Variants in PDCD1 observed in about 807,000 individuals in gnomAD.
The protein encoded by PDCD1 is programmed cell death protein 1.
Under a neutral mutation model 23.6 loss-of-function variants are expected in PDCD1, and 10 were observed. The ratio of observed to expected loss-of-function variants is 0.42; its 90% CI spans 0.26 to 0.72. PDCD1 has a LOEUF of 0.72. Ranked by LOEUF, PDCD1 falls within the 30% of genes least tolerant of loss-of-function variation. PDCD1 has a pLI of 0.24. For synonymous variants in PDCD1, 168 were observed against 169.3 expected (o/e 0.99, Z 0.06); for missense variants, 313 against 397.8 (o/e 0.79, Z 1.81).
chr2:241,852,021 T>A lies in PDCD1; in HGVS notation c.593-38A>T, dbSNP rs200503322. ...ACACTTGGGGTCACCAGGCCGACCCTGAGCCGTGCTCCTAGGTGGGGGGTC... is the reference window on the plus strand; with the variant it reads ...ACACTTGGGGTCACCAGGCCGACCCAGAGCCGTGCTCCTAGGTGGGGGGTC... On this transcript the variant is annotated intron_variant, in intron 3 of 4. Transcript: ENST00000334409. 201 of 1,593,830 alleles carry A rather than the reference T, an allele frequency of 1.3e-4. 1 individual carries two copies. The East Asian group carries it at 4.3e-3, about 34-fold the overall frequency.
At chr2:241,858,714 T>G (rs1048863105) in intron 1 of PDCD1, 49 bp downstream of exon 1, 1 of 1,473,312 alleles carries the variant, frequency 6.8e-7, no homozygotes, top group Non-Finnish European at 9.3e-7. Context: ...GGGTGGAAGG[T>G]CCCTCCAGAC....
chr2:241,858,021 C>A (rs1032716492), intron 1 of PDCD1, among the ~76,000 whole-genome samples: 2 of 152,180 alleles, frequency 1.3e-5, no homozygotes, highest in Non-Finnish European at 2.9e-5. Context: ...GGGTCACGGG[C>A]AGCCCAGGAA....
Position 241,850,938 on chromosome 2 carries a change from G to C in PDCD1, c.*120C>G. ...CAGGCTGGAGCCCCGGTCGCCCCCAGGCAGCTCAGCCCCTGGACGGCCTGC... is the reference window on the plus strand; with the variant it reads ...CAGGCTGGAGCCCCGGTCGCCCCCACGCAGCTCAGCCCCTGGACGGCCTGC... On this transcript the variant is annotated 3_prime_UTR_variant, in exon 5 of 5. Coordinates refer to ENST00000334409, the MANE Select transcript of PDCD1 (RefSeq NM_005018.3). 1 of 1,343,124 alleles carries C rather than the reference G, an allele frequency of 7.4e-7. No homozygotes were observed. The highest frequency in any genetic ancestry group is 1.0e-6 in the Non-Finnish European group (1 of 995,762). 83.2% of individuals were successfully genotyped at this position (1,343,124 alleles called of 1,614,324 possible).
intron 1 of PDCD1, 107 bp from the exon 2 acceptor site, chr2:241,853,087 G>C: frequency 7.5e-7 from 1 of 1,324,888 alleles, no homozygotes; most frequent in Admixed American, 2.3e-5. Flanking sequence ...GGCCACCCCA[G>C]CTGGAATGTC....
chr2:241,852,490 G>A, intron 2 of PDCD1, 131 bp downstream of exon 2: 1 of 1,254,374 alleles, frequency 8.0e-7, no homozygotes, highest in Non-Finnish European at 1.1e-6. Context: ...CCCAGGTGCA[G>A]GACAGAGCCC....
intron 1 of PDCD1, among the ~76,000 whole-genome samples, chr2:241,856,707 C>T (rs1230091864): frequency 6.6e-6 from 1 of 152,032 alleles, no homozygotes; most frequent in Non-Finnish European, 1.5e-5. Flanking sequence ...GCCTATAGTC[C>T]CAGCTACTCT....
At chr2:241,855,543 T>G (rs1433030575) in intron 1 of PDCD1, among the ~76,000 whole-genome samples, 1 of 152,188 alleles carries the variant, frequency 6.6e-6, no homozygotes, top group Non-Finnish European at 1.5e-5. Flanking sequence ...GAGAGAGGGC[T>G]GTGCCCTATG....
At chr2:241,856,911 G>A (rs537052741) in intron 1 of PDCD1, among the ~76,000 whole-genome samples, 5 of 152,370 alleles carry the variant, frequency 3.3e-5, no homozygotes, top group South Asian at 2.1e-4. Context: ...GCCAGGAGGC[G>A]TCCTCACCCA....
At chr2:241,858,725 C>T (rs763326043) in intron 1 of PDCD1, 38 bp downstream of exon 1, 15 of 1,537,052 alleles carry the variant, frequency 9.8e-6, no homozygotes, top group Middle Eastern at 1.7e-4. Flanking sequence ...CCCTCCAGAC[C>T]CCTGGCTCTG....
chr2:241,854,907 G>A (rs191405063), intron 1 of PDCD1, among the ~76,000 whole-genome samples: 166 of 152,320 alleles, frequency 1.1e-3, no homozygotes, highest in Non-Finnish European at 1.9e-3. Context: ...GACAATGGCC[G>A]CTGTGTGTCC....
chr2:241,851,827 T>G, intron 4 of PDCD1, 122 bp downstream of exon 4: 1 of 1,000,724 alleles, frequency 1.0e-6, no homozygotes, highest in Non-Finnish European at 1.6e-6. Flanking sequence ...GCTGGGGAGG[T>G]GGGGTCCTGG....
rs34819629 is a variant in PDCD1, at chr2:241,852,468, C to G, written c.437-115G>C. 5.2e-6 allele frequency: 6 copies of G among 1,149,530 alleles called. No individual in the cohort carries two copies. The African/African-American group carries it at 6.2e-5, about 12-fold the overall frequency. The allele number at this position is 1,149,530 out of a possible 1,614,324, so 71.2% of individuals were successfully genotyped here. On this transcript the variant is annotated intron_variant, in intron 2 of 4. Coordinates refer to ENST00000334409, the MANE Select transcript of PDCD1 (RefSeq NM_005018.3). ...TTCCAGAGCTAGAGGACAGAGATGC[C>G]GGTCACCATTCCCCAGGTGCAGGAC... is the stretch of plus-strand genomic sequence containing the variant.
chr2:241,855,121 C>CT (rs539020375), intron 1 of PDCD1, among the ~76,000 whole-genome samples: 1 of 152,286 alleles, frequency 6.6e-6, no homozygotes, highest in East Asian at 1.9e-4. Context: ...TGTTCCGCCC[C>CT]CCCCAACCCC....
At chr2:241,855,611 G>A (rs1701005119) in intron 1 of PDCD1, among the ~76,000 whole-genome samples, 1 of 152,262 alleles carries the variant, frequency 6.6e-6, no homozygotes, top group South Asian at 2.1e-4. Flanking sequence ...CTGTGAGGTG[G>A]CGGTGGGGGT....
At position 241,850,254 on chromosome 2, in the gene PDCD1, T is replaced by C. The variant is rs1367849510; in HGVS notation, c.*804A>G. On this transcript the variant is annotated 3_prime_UTR_variant, in exon 5 of 5. Coordinates refer to ENST00000334409, the MANE Select transcript of PDCD1 (RefSeq NM_005018.3). ...GAGGGGCCTGAGTCAACCCCAGCCC[T>C]GCCCTCCTGACCTTGGGACCGTAGG... is the stretch of plus-strand genomic sequence containing the variant. 1 of 233,246 alleles carries C rather than the reference T, an allele frequency of 4.3e-6. No individual in the cohort carries two copies. The highest frequency in any genetic ancestry group is 2.2e-5 in the African/African-American group (1 of 45,324). 14.4% of individuals were successfully genotyped at this position (233,246 alleles called of 1,614,324 possible). A position where few individuals can be genotyped will look rare whatever the true frequency, so the allele number is the denominator to read the frequency against.
intron 4 of PDCD1, 83 bp downstream of exon 4, chr2:241,851,866 G>A (rs1282579384): frequency 3.9e-5 from 51 of 1,314,676 alleles, no homozygotes; most frequent in Non-Finnish European, 5.3e-5. Flanking sequence ...CCTGCAGGCC[G>A]TGTGGTCCCA....
intron 1 of PDCD1, 80 bp from the exon 2 acceptor site, chr2:241,853,060 A>G: frequency 6.8e-7 from 1 of 1,476,058 alleles, no homozygotes; most frequent in Non-Finnish European, 9.0e-7. Flanking sequence ...TCCCTCGGGC[A>G]GCAAGGGCTC....
intron 1 of PDCD1, among the ~76,000 whole-genome samples, chr2:241,854,244 C>T (rs1053884328): frequency 2.0e-5 from 3 of 152,198 alleles, no homozygotes; most frequent in Admixed American, 6.5e-5. Context: ...CATGGCCTCC[C>T]GGCTGACAAG....
intron 1 of PDCD1, among the ~76,000 whole-genome samples, chr2:241,855,854 C>T (rs980205264): frequency 2.0e-5 from 3 of 151,984 alleles, no homozygotes; most frequent in African/African-American, 7.2e-5. Context: ...TCCTCACAGT[C>T]GTGTGTGTGT....
Sources: gnomAD v4.1 joint callset for allele counts (sites outside exome capture counted in the v4.1 genomes callset) on GRCh38, gnomAD v4.1.1 for gene constraint, MANE v1.5 for transcripts, NCBI Gene and HGNC (gene_info 2026-07-23, HGNC 2026-07-21) for gene names.